The following GLI3 variants were observed in gnomAD, a reference collection of about 807,000 sequenced individuals.
The protein encoded by GLI3 is transcription activator GLI3.
A neutral mutation model predicts 100.8 loss-of-function variants in GLI3; 20 were observed. The ratio of observed to expected loss-of-function variants is 0.20; its 90% CI spans 0.14 to 0.29. GLI3 has a LOEUF of 0.29. Among genes scored for constraint, GLI3 ranks in the 10% least tolerant of loss-of-function variants. The pLI, the probability that GLI3 is intolerant of heterozygous loss-of-function variation, is 1.00. For missense variants in GLI3, 2,040 were observed against 2,128.5 expected (o/e 0.96, Z 0.82); for synonymous variants, 938 against 860.5 (o/e 1.09, Z -1.58).
intron 2 of GLI3, among the ~76,000 whole-genome samples, chr7:42,155,223 C>T (rs1174419112): frequency 6.6e-6 from 1 of 151,920 alleles, no homozygotes; most frequent in East Asian, 1.9e-4. Context: ...GCAGATAACC[C>T]AAAGTCAGGA....
intron 10 of GLI3, among the ~76,000 whole-genome samples, chr7:41,987,224 A>G (rs919249871): frequency 6.6e-6 from 1 of 152,008 alleles, no homozygotes; most frequent in African/African-American, 2.4e-5. Flanking sequence ...GCTGGAGTGC[A>G]GTGGTATGAT....
chr7:42,026,489 C>T, intron 7 of GLI3, 77 bp from the exon 8 acceptor site: 1 of 1,090,752 alleles, frequency 9.2e-7, no homozygotes, highest in Non-Finnish European at 1.4e-6. Flanking sequence ...CTGCAGCTTT[C>T]TATCTATAAT....
chr7:42,020,889 C>CAAAAAAAAAAAAAAAAAA (rs371389453), intron 10 of GLI3, among the ~76,000 whole-genome samples: 1 of 113,122 alleles, frequency 8.8e-6, no homozygotes, highest in African/African-American at 3.4e-5. Context: ...GACTCCGTCT[C>CAAAAAAAAAAAAAAAAAA]AAAAAAAAAA....
At chr7:42,158,714 C>T (rs1266215861) in intron 2 of GLI3, among the ~76,000 whole-genome samples, 3 of 152,146 alleles carry the variant, frequency 2.0e-5, no homozygotes, top group South Asian at 2.1e-4. Flanking sequence ...TGGTCTTGAA[C>T]TCCTGACCTC....
Position 41,966,744 on chromosome 7 carries a change from C to G in GLI3, c.2432-103G>C. On this transcript the variant is annotated intron_variant, in intron 14 of 14. Coordinates refer to ENST00000395925, the MANE Select transcript of GLI3 (RefSeq NM_000168.6). This position sits in a 1 kb window ranked among gnomAD's most constrained non-coding sequence, Gnocchi z 5.8. ...TTTTCTGTAAAGGGCCAGCTAGGAA[C>G]TATTTCTGGTGTCCCAGGCCACATT... 1 of 1,190,114 alleles carries G rather than the reference C, an allele frequency of 8.4e-7. No individual in the cohort carries two copies. The highest frequency in any genetic ancestry group is 1.2e-6 in the Non-Finnish European group (1 of 811,534). 73.7% of individuals were successfully genotyped at this position (1,190,114 alleles called of 1,614,324 possible).
At chr7:41,994,111 T>A (rs576005542) in intron 10 of GLI3, among the ~76,000 whole-genome samples, 1 of 152,308 alleles carries the variant, frequency 6.6e-6, no homozygotes, top group African/African-American at 2.4e-5. Flanking sequence ...TAGAAAAAAA[T>A]AATCTGATGC....
chr7:42,029,822 T>C (rs1014807331), intron 7 of GLI3, among the ~76,000 whole-genome samples: 1 of 152,194 alleles, frequency 6.6e-6, no homozygotes. Context: ...CGTTTTCTAC[T>C]GCGTGACAAT....
Position 41,964,347 on chromosome 7 carries a change from G to A in GLI3, c.4726C>T (p.Leu1576Phe). Residue 1576 changes from leucine to phenylalanine, a missense_variant, in exon 15 of 15, where the codon CTT becomes TTT. Leu to Phe is a conservative substitution (Grantham distance 22, BLOSUM62 0). Transcript: ENST00000395925. ...LTSLAEESKFLAVMQ is the reference protein window; with the variant it reads ...LTSLAEESKFFAVMQ ...CCTAAAGCCTATTGCATAACTGCAA[G>A]GAATTTGCTTTCTTCCGCTAGGGAG... is the stretch of plus-strand genomic sequence containing the variant. 6.2e-7 allele frequency: 1 copy of A among 1,614,126 alleles called. No homozygotes were observed. The highest frequency in any genetic ancestry group is 1.1e-5 in the South Asian group (1 of 91,074).
At chr7:42,081,560 C>T (rs951676752) in intron 3 of GLI3, among the ~76,000 whole-genome samples, 4 of 152,122 alleles carry the variant, frequency 2.6e-5, no homozygotes, top group Admixed American at 1.3e-4. Flanking sequence ...TCATTAGGAA[C>T]GAGAGGCATT....
rs1787225412 is a variant in GLI3 at position 41,967,681 on chromosome 7, C to T, written c.2346G>A (p.Arg782=). Residue 782 remains arginine, a synonymous_variant, in exon 14 of 15, where the codon AGG becomes AGA. Transcript: ENST00000395925. Reference sequence around the variant, plus strand: ...GAAACATTCCATTCACTTGTTTTAGCCTTTCTAGTTTTACGTGCTCCATCC... The same window carrying T: ...GAAACATTCCATTCACTTGTTTTAGTCTTTCTAGTTTTACGTGCTCCATCC... ...TKWMEHVKLE[R]LKQVNGMFPR... 1 of 1,614,184 alleles carries T rather than the reference C, an allele frequency of 6.2e-7. No homozygotes were observed. Among genetic ancestry groups the T allele is most frequent in the Non-Finnish European group, 8.5e-7 (1 of 1,180,030 alleles).
chr7:42,205,580 T>C (rs141215207), intron 2 of GLI3, among the ~76,000 whole-genome samples: 240 of 152,296 alleles, frequency 1.6e-3, no homozygotes, highest in African/African-American at 5.5e-3. Flanking sequence ...AATCGTACTT[T>C]TCCTGAGCCA....
At chr7:42,046,669 G>A (rs1039398997) in intron 5 of GLI3, among the ~76,000 whole-genome samples, 7 of 152,114 alleles carry the variant, frequency 4.6e-5, no homozygotes, top group African/African-American at 1.2e-4. Flanking sequence ...CCACTAGCCC[G>A]AATAAATTTC....
At chr7:42,011,114 A>AATGTGGCCACTGTAG (rs1182906848) in intron 10 of GLI3, among the ~76,000 whole-genome samples, 1 of 152,196 alleles carries the variant, frequency 6.6e-6, no homozygotes, top group African/African-American at 2.4e-5. Flanking sequence ...GTTTAGGGGA[A>AATGTGGCCACTGTAG]ATGTGGCCAC....
intron 3 of GLI3, among the ~76,000 whole-genome samples, chr7:42,102,147 CGTG>C (rs2128762423): frequency 1.3e-5 from 2 of 152,164 alleles, no homozygotes; most frequent in East Asian, 3.9e-4. Flanking sequence ...TGTAAACATA[CGTG>C]TGCATGTGTC....
Position 42,234,031 on chromosome 7 carries a change from A to G in GLI3, c.-43+2940T>C, listed in dbSNP as rs143987669. Among the ~76,000 whole-genome samples, 36 of 152,358 alleles carry G rather than the reference A, an allele frequency of 2.4e-4. 1 individual carries two copies. Among genetic ancestry groups the G allele is most frequent in the Admixed American group, 2.4e-3 (36 of 15,304 alleles). On this transcript the variant is annotated intron_variant, in intron 1 of 14. Transcript: ENST00000395925. ...CCAGCAAAACTAAAACCTCCTTCAA[A>G]GAATTCTTTAGCTGGGGATTTACAA...
intron 2 of GLI3, among the ~76,000 whole-genome samples, chr7:42,161,780 G>A (rs1460110598): frequency 2.6e-5 from 4 of 152,216 alleles, no homozygotes. Flanking sequence ...CAAGAATAAA[G>A]TTTTGAGAGT....
chr7:41,988,494 T>G (rs1787893633), intron 10 of GLI3, among the ~76,000 whole-genome samples: 1 of 134,420 alleles, frequency 7.4e-6, no homozygotes, highest in Non-Finnish European at 1.6e-5. Flanking sequence ...GGTGGGGCCT[T>G]AAGGAGGTGA....
Position 41,972,574 on chromosome 7 carries a change from G to A in GLI3, c.1866C>T (p.Ser622=). 8.7e-6 allele frequency: 14 copies of A among 1,610,166 alleles called. No homozygotes were observed. Among genetic ancestry groups the A allele is most frequent in the Non-Finnish European group, 1.2e-5 (14 of 1,179,878 alleles). The change falls in exon 13 of 15, where the codon AGC becomes AGT. Residue 622 remains serine, a synonymous_variant. Coordinates refer to ENST00000395925, the MANE Select transcript of GLI3 (RefSeq NM_000168.6). The surrounding 1 kb of genome is among the most constrained non-coding windows in gnomAD (Gnocchi z 4.4). ...CTGTCTTCACATGTTTCCGGAGGGA[G>A]CTTGGGTCTGTGTAACGCTTAGTGC... ...PGCTKRYTDP[S]SLRKHVKTVH... is the part of the protein sequence containing the mutation.
chr7:42,005,458 TACACACAC>T lies in GLI3; in HGVS notation c.1497+18002_1497+18009del, dbSNP rs3030321. Among the ~76,000 whole-genome samples, 89 of 143,622 alleles carry T rather than the reference TACACACAC, an allele frequency of 6.2e-4. 1 individual carries two copies. Among genetic ancestry groups the T allele is most frequent in the African/African-American group, 9.8e-4 (37 of 37,948 alleles). The allele number at this position is 143,622 out of a possible 152,430, so 94.2% of individuals were successfully genotyped here. On this transcript the variant is annotated intron_variant, in intron 10 of 14. Transcript: ENST00000395925. ...AAACATTTTTTATCCTGAATTCACATACACACACACACACACACACACACACACACACA... is the reference window on the plus strand; with the variant it reads ...AAACATTTTTTATCCTGAATTCACATACACACACACACACACACACACACA...
Sources: gnomAD v4.1 joint callset for allele counts (sites outside exome capture counted in the v4.1 genomes callset) on GRCh38, gnomAD v4.1.1 for gene constraint, Gnocchi (gnomAD v3.1) non-coding constraint, MANE v1.5 for transcripts, NCBI Gene and HGNC (gene_info 2026-07-23, HGNC 2026-07-21) for gene names.